The following SLCO3A1 variants were observed in gnomAD, a reference collection of about 807,000 sequenced individuals.
The protein encoded by SLCO3A1 is solute carrier organic anion transporter family member 3A1.
Under a neutral mutation model 63.1 loss-of-function variants are expected in SLCO3A1, and 27 were observed. The ratio of observed to expected loss-of-function variants is 0.43; its 90% CI spans 0.32 to 0.59. The LOEUF (loss-of-function observed/expected upper bound fraction) is 0.59. SLCO3A1 is among the 20% of genes least tolerant of loss of function. The pLI is 0.09. For missense variants in SLCO3A1, 773 were observed against 945.8 expected, an observed-to-expected ratio of 0.82 and a Z score of 2.40; for synonymous variants, 473 against 409.9, an observed-to-expected ratio of 1.15 and a Z score of -1.86.
chr15:92,152,485 C>T (rs1342367960), intron 9 of SLCO3A1, among the ~76,000 whole-genome samples: 1 of 152,088 alleles, frequency 6.6e-6, no homozygotes, highest in Non-Finnish European at 1.5e-5. Context: ...GTGAAGATGC[C>T]CCAATTAAAA....
intron 4 of SLCO3A1, among the ~76,000 whole-genome samples, chr15:92,111,072 A>G (rs1360745269): frequency 1.3e-5 from 2 of 152,124 alleles, no homozygotes; most frequent in African/African-American, 4.8e-5. Flanking sequence ...GGTGCTTTAC[A>G]TCTTGGTCAG....
At chr15:92,090,953 T>G (rs2047466244) in intron 2 of SLCO3A1, among the ~76,000 whole-genome samples, 1 of 152,202 alleles carries the variant, frequency 6.6e-6, no homozygotes, top group Admixed American at 6.5e-5. Context: ...GGAGGTTAAA[T>G]GTACTTTGCC....
In SLCO3A1 at chr15:91,859,749, A is replaced by G. The variant is rs1229953437; in HGVS notation, c.180+5661A>G. Among the ~76,000 whole-genome samples, 1 of 152,220 alleles carries G rather than the reference A, an allele frequency of 6.6e-6. No homozygotes were observed. The highest frequency in any genetic ancestry group is 1.5e-5 in the Non-Finnish European group (1 of 68,038). Reference sequence around the variant, plus strand: ...GTACATGTAAAGCACCTTGAACAATATCTGGCACATAGTGAGTGCCCAGGA... The same window carrying G: ...GTACATGTAAAGCACCTTGAACAATGTCTGGCACATAGTGAGTGCCCAGGA... On this transcript the variant is annotated intron_variant, in intron 1 of 9. Transcript: ENST00000318445. This position sits in a 1 kb window ranked among gnomAD's most constrained non-coding sequence, Gnocchi z 5.1.
rs1381353826 is a variant in SLCO3A1, at chr15:92,164,872, C to G, written c.*1737C>G. ...GCTTAGGTAAAGGCACACACTCATA[C>G]ACACACAACAAAGGGCCCTGCTAAC... On this transcript the variant is annotated 3_prime_UTR_variant, in exon 10 of 10. Transcript: ENST00000318445. 1 of 985,410 alleles carries G rather than the reference C, an allele frequency of 1.0e-6. No individual in the cohort carries two copies. The highest frequency in any genetic ancestry group is 1.1e-4 in the East Asian group (1 of 8,812). The allele number at this position is 985,410 out of a possible 1,614,324, so 61.0% of individuals were successfully genotyped here.
chr15:92,100,542 G>A lies in SLCO3A1; in HGVS notation c.746-3737G>A, dbSNP rs192663189. Among the ~76,000 whole-genome samples the A allele has an allele frequency of 2.3e-3, 345 of 152,308 alleles. 2 individuals carry two copies. The highest frequency in any genetic ancestry group is 4.1e-3 in the Non-Finnish European group (277 of 68,022). The stretch of plus-strand genomic sequence containing the variant: ...GGGCATCTTACTGAAAGCAGCCCTT[G>A]CCAGAAGGCTGAAACTGCAGCCATT... On this transcript the variant is annotated intron_variant, in intron 3 of 9. Transcript: ENST00000318445.
rs1173300277 is a variant in SLCO3A1 at position 91,872,850 on chromosome 15, T to G, written c.180+18762T>G. Among the ~76,000 whole-genome samples, 2 of 152,206 alleles carry G rather than the reference T, an allele frequency of 1.3e-5. No homozygotes were observed. Among genetic ancestry groups the G allele is most frequent in the African/African-American group, 4.8e-5 (2 of 41,454 alleles). The stretch of plus-strand genomic sequence containing the variant: ...CCAGGGCCAGAGAATCTGTTCTCTG[T>G]TCCCTTCCTCCCCTTTAGGGCATGG... On this transcript the variant is annotated intron_variant, in intron 1 of 9. Transcript: ENST00000318445. This position sits in a 1 kb window ranked among gnomAD's most constrained non-coding sequence, Gnocchi z 4.1.
At chr15:91,922,791 C>G (rs533356614) in intron 2 of SLCO3A1, among the ~76,000 whole-genome samples, 1 of 152,190 alleles carries the variant, frequency 6.6e-6, no homozygotes. Flanking sequence ...ATAAATGGCA[C>G]TATAAAAGTG....
At chr15:92,080,126 C>T (rs1017318236) in intron 2 of SLCO3A1, among the ~76,000 whole-genome samples, 2 of 152,238 alleles carry the variant, frequency 1.3e-5, no homozygotes, top group East Asian at 1.9e-4. Flanking sequence ...GCAACAGCTG[C>T]GGCTTTGACC....
chr15:92,046,313 G>A (rs938161023), intron 2 of SLCO3A1, among the ~76,000 whole-genome samples: 4 of 151,932 alleles, frequency 2.6e-5, no homozygotes, highest in Middle Eastern at 3.4e-3. Context: ...TCAGGAGTTC[G>A]AGACCAGCCT....
At chr15:92,103,485 G>C (rs137942189) in intron 3 of SLCO3A1, among the ~76,000 whole-genome samples, 1 of 151,840 alleles carries the variant, frequency 6.6e-6, no homozygotes, top group African/African-American at 2.4e-5. Context: ...TTGTATTAGA[G>C]AGCTGGTGCC....
rs375179422 is a variant in SLCO3A1 at position 92,022,308 on chromosome 15, A to T, written c.647-72573A>T. 1.2e-4 allele frequency among the ~76,000 whole-genome samples: 19 copies of T among 152,350 alleles called. No individual in the cohort carries two copies. The East Asian group carries it at 3.5e-3, about 28-fold the overall frequency. Reference sequence around the variant, plus strand: ...CGACTGATTGTATTTAGGAACAAAAACAGACATTTTAACACCTGTGCGTGT... The same window carrying T: ...CGACTGATTGTATTTAGGAACAAAATCAGACATTTTAACACCTGTGCGTGT... On this transcript the variant is annotated intron_variant, in intron 2 of 9. Transcript: ENST00000318445.
intron 2 of SLCO3A1, among the ~76,000 whole-genome samples, chr15:91,924,488 A>G (rs1399894459): frequency 6.6e-6 from 1 of 152,216 alleles, no homozygotes; most frequent in African/African-American, 2.4e-5. Flanking sequence ...AAGACCATCA[A>G]TTTCAAATTG....
chr15:92,086,916 G>C (rs1345765360), intron 2 of SLCO3A1, among the ~76,000 whole-genome samples: 1 of 151,288 alleles, frequency 6.6e-6, no homozygotes, highest in African/African-American at 2.4e-5. Flanking sequence ...GGGGACGGCA[G>C]AGGTTCCAGT....
At chr15:92,053,528 C>T (rs900278024) in intron 2 of SLCO3A1, among the ~76,000 whole-genome samples, 3 of 152,094 alleles carry the variant, frequency 2.0e-5, no homozygotes, top group African/African-American at 4.8e-5. Flanking sequence ...TCCGGGACAT[C>T]GCATTACATT....
At chr15:92,063,742 C>A (rs1221647336) in intron 2 of SLCO3A1, among the ~76,000 whole-genome samples, 1 of 152,056 alleles carries the variant, frequency 6.6e-6, no homozygotes, top group African/African-American at 2.4e-5. Flanking sequence ...CCCAGCTACT[C>A]AGGAGGCTGA....
At chr15:91,989,474 A>G (rs1041319450) in intron 2 of SLCO3A1, among the ~76,000 whole-genome samples, 1 of 152,210 alleles carries the variant, frequency 6.6e-6, no homozygotes, top group Admixed American at 6.5e-5. Context: ...TGAATGATTT[A>G]GTAAAAAACA....
At chr15:92,133,355 C>T (rs1349759170) in intron 7 of SLCO3A1, among the ~76,000 whole-genome samples, 1 of 146,218 alleles carries the variant, frequency 6.8e-6, no homozygotes, top group Non-Finnish European at 1.5e-5. Context: ...TCACCATGAC[C>T]ATATTTGCCC....
At chr15:91,938,579 G>A (rs1239939568) in intron 2 of SLCO3A1, among the ~76,000 whole-genome samples, 1 of 150,144 alleles carries the variant, frequency 6.7e-6, no homozygotes, top group East Asian at 1.9e-4. Context: ...AGGCTACTCT[G>A]AATGCTTTAC....
chr15:92,009,733 C>G (rs1651788474), intron 2 of SLCO3A1, among the ~76,000 whole-genome samples: 1 of 152,184 alleles, frequency 6.6e-6, no homozygotes, highest in Non-Finnish European at 1.5e-5. Flanking sequence ...CTAAAAGCTT[C>G]CTTAATGTTA....
Sources: allele counts gnomAD v4.1 joint callset (sites outside exome capture counted in the v4.1 genomes callset), GRCh38; gene constraint gnomAD v4.1.1; non-coding constraint Gnocchi (gnomAD v3.1); transcripts MANE v1.5; gene names NCBI Gene and HGNC (gene_info 2026-07-23, HGNC 2026-07-21).